HDGFL2: variants seen among roughly 807,000 people sequenced by gnomAD.
HDGFL2 encodes hepatoma-derived growth factor-related protein 2.
A neutral mutation model predicts 77.1 loss-of-function variants in HDGFL2; 36 were observed. The ratio of observed to expected loss-of-function variants is 0.47; its 90% CI spans 0.36 to 0.62. The LOEUF (loss-of-function observed/expected upper bound fraction) is 0.62, where lower values mean the gene tolerates loss of function less well. HDGFL2 is among the 20% of genes least tolerant of loss of function. HDGFL2 has a pLI of 0.00. For missense variants in HDGFL2, 976 were observed against 973.4 expected (o/e 1.00, Z -0.04); for synonymous variants, 463 against 413.1 (o/e 1.12, Z -1.46).
chr19:4,487,230 TG>T, intron 3 of HDGFL2, among the ~76,000 whole-genome samples: 1 of 152,172 alleles, frequency 6.6e-6, no homozygotes, highest in Middle Eastern at 3.4e-3. Flanking sequence ...CCTCCCAAAG[TG>T]CTGGAATGAC....
chr19:4,491,983 G>A (rs1434769329), intron 6 of HDGFL2, 148 bp downstream of exon 6: 9 of 693,392 alleles, frequency 1.3e-5, no homozygotes, highest in African/African-American at 3.6e-5. Flanking sequence ...TGCCCTGAGC[G>A]TGGCACCTCG....
chr19:4,492,927 TGTGTGTGTG>T (rs1234177429), intron 6 of HDGFL2, among the ~76,000 whole-genome samples: 1 of 137,000 alleles, frequency 7.3e-6, no homozygotes. Context: ...GGTGTGTATC[TGTGTGTGTG>T]GTGTGTGTGT....
At chr19:4,476,059 T>C (rs1193628460) in intron 3 of HDGFL2, among the ~76,000 whole-genome samples, 2 of 150,566 alleles carry the variant, frequency 1.3e-5, no homozygotes, top group African/African-American at 4.9e-5. Context: ...CCGGCTAATT[T>C]TTTTGTATTT....
At chr19:4,473,653 A>G (rs2145145291) in intron 1 of HDGFL2, among the ~76,000 whole-genome samples, 1 of 138,128 alleles carries the variant, frequency 7.2e-6, no homozygotes, top group African/African-American at 2.7e-5. Context: ...GTTGAGGGTC[A>G]AGGCTAAGGG....
chr19:4,498,431 G>A, intron 12 of HDGFL2, 55 bp downstream of exon 12: 1 of 1,403,760 alleles, frequency 7.1e-7, no homozygotes, highest in Admixed American at 1.7e-5. Flanking sequence ...CTCCCTGCCA[G>A]GCTCCCTTAG....
intron 13 of HDGFL2, 96 bp downstream of exon 13, chr19:4,499,011 A>G (rs913897389): frequency 1.1e-5 from 9 of 852,140 alleles, no homozygotes; most frequent in African/African-American, 3.4e-5. Flanking sequence ...TCCTGTCGGG[A>G]CAGCCCTGGG....
intron 4 of HDGFL2, 59 bp from the exon 5 acceptor site, chr19:4,491,507 G>C (rs931961777): frequency 2.0e-6 from 3 of 1,487,954 alleles, no homozygotes; most frequent in African/African-American, 2.8e-5. Flanking sequence ...TCAGCTGGGG[G>C]CTTCCTGCCA....
rs776879529 is a variant in HDGFL2 at position 4,499,575 on chromosome 19, A to G, written c.1660A>G (p.Lys554Glu). 1 of 1,613,232 alleles carries G rather than the reference A, an allele frequency of 6.2e-7. No homozygotes were observed. Residue 554 changes from lysine (K) to glutamate (E), a missense_variant, in exon 14 of 16, where the codon AAG becomes GAG. Lys to Glu is a moderately conservative substitution (Grantham distance 56). This residue lies in a region of HDGFL2 where 229 missense variants were observed against 187.3 expected (regional missense o/e 1.22). Coordinates refer to ENST00000616600, the MANE Select transcript of HDGFL2 (RefSeq NM_001001520.3). ...TRLKSRVLGPKIEAVQKVNKA... is the reference protein window; with the variant it reads ...TRLKSRVLGPEIEAVQKVNKA... ...GCTCAAGTCGCGGGTCCTCGGCCCAAAGATCGAGGCGGTGCAGAAAGTGAA... is the reference window on the plus strand; with the variant it reads ...GCTCAAGTCGCGGGTCCTCGGCCCAGAGATCGAGGCGGTGCAGAAAGTGAA...
intron 3 of HDGFL2, among the ~76,000 whole-genome samples, chr19:4,479,384 C>T (rs1034593055): frequency 1.3e-5 from 2 of 151,486 alleles, no homozygotes; most frequent in South Asian, 4.2e-4. Context: ...GTGATCGAGA[C>T]CATCCTGGCT....
In HDGFL2 at chr19:4,483,286, C is replaced by T. The variant is rs149595722; in HGVS notation, c.289-5390C>T. 3.9e-5 allele frequency among the ~76,000 whole-genome samples: 6 copies of T among 152,266 alleles called. No individual in the cohort carries two copies. The East Asian group carries it at 1.2e-3, about 30-fold the overall frequency. On this transcript the variant is annotated intron_variant, in intron 3 of 15. Coordinates refer to ENST00000616600, the MANE Select transcript of HDGFL2 (RefSeq NM_001001520.3). ...TTTTCCTTGTGTGCTGATTGGGGGC[C>T]GCTAGCCTGCGGCTGTGCGCACGGA...
intron 9 of HDGFL2, among the ~76,000 whole-genome samples, 161 bp from the exon 10 acceptor site, chr19:4,496,141 A>G (rs889107425): frequency 7.2e-5 from 11 of 152,108 alleles, no homozygotes; most frequent in African/African-American, 2.7e-4. Flanking sequence ...TCAGGACCGG[A>G]CACTGGGTCC....
chr19:4,477,521 T>C (rs1975103349), intron 3 of HDGFL2, among the ~76,000 whole-genome samples: 2 of 152,224 alleles, frequency 1.3e-5, no homozygotes, highest in Admixed American at 6.5e-5. Flanking sequence ...TCAAGGTAGC[T>C]GTTTCAGGAG....
chr19:4,487,731 C>T (rs1975398928), intron 3 of HDGFL2, among the ~76,000 whole-genome samples: 1 of 152,160 alleles, frequency 6.6e-6, no homozygotes, highest in African/African-American at 2.4e-5. Flanking sequence ...GCCCAGTGCC[C>T]GACACTCATG....
At chr19:4,486,553 ATC>A (rs1975367541) in intron 3 of HDGFL2, among the ~76,000 whole-genome samples, 1 of 151,618 alleles carries the variant, frequency 6.6e-6, no homozygotes, top group Non-Finnish European at 1.5e-5. Flanking sequence ...AAAAATCGCA[ATC>A]TCTGCCAAGC....
chr19:4,490,302 G>A (rs1470186528), intron 4 of HDGFL2, among the ~76,000 whole-genome samples: 1 of 152,164 alleles, frequency 6.6e-6, no homozygotes, highest in Non-Finnish European at 1.5e-5. Flanking sequence ...GGCCAGGCTG[G>A]TCTCGAACTC....
intron 12 of HDGFL2, 140 bp from the exon 13 acceptor site, chr19:4,498,674 C>T (rs1043212996): frequency 2.4e-5 from 15 of 637,514 alleles, no homozygotes; most frequent in South Asian, 5.6e-5. Context: ...GTCAACTGGA[C>T]GGGGGCTGAG....
At chr19:4,484,587 C>T (rs910229375) in intron 3 of HDGFL2, among the ~76,000 whole-genome samples, 3 of 151,236 alleles carry the variant, frequency 2.0e-5, no homozygotes, top group African/African-American at 7.3e-5. Flanking sequence ...GCAAGCTCCA[C>T]CTCCCGGGTT....
chr19:4,475,069 T>G, intron 1 of HDGFL2: 1 of 575,918 alleles, frequency 1.7e-6, no homozygotes, highest in Non-Finnish European at 3.1e-6. Context: ...GTCCCTGGGG[T>G]AGGGGGAGAG....
chr19:4,498,956 A>T (rs768178839), intron 13 of HDGFL2, 41 bp downstream of exon 13: 1 of 1,434,468 alleles, frequency 7.0e-7, no homozygotes, highest in Non-Finnish European at 9.6e-7. Context: ...CAGTCGGGGG[A>T]GCTGGGAGCA....
Sources: gnomAD v4.1 joint callset for allele counts (sites outside exome capture counted in the v4.1 genomes callset) on GRCh38, gnomAD v4.1.1 for gene constraint, gnomAD v4.1.1 regional missense constraint, MANE v1.5 for transcripts, NCBI Gene and HGNC (gene_info 2026-07-23, HGNC 2026-07-21) for gene names.